RBMS3: variants seen among roughly 807,000 people sequenced by gnomAD.
RBMS3 encodes the protein RNA binding motif single stranded interacting protein 3, also known as RNA-binding motif, single-stranded-interacting protein 3.
A neutral mutation model predicts 66.8 loss-of-function variants in RBMS3; 27 were observed. That is an observed-to-expected ratio of 0.40 (90% CI 0.30 to 0.56). The LOEUF is 0.56. Among genes scored for constraint, RBMS3 ranks in the 20% least tolerant of loss-of-function variants. The pLI, the probability that RBMS3 is intolerant of heterozygous loss-of-function variation, is 0.40. For missense variants in RBMS3, 513 were observed against 549.5 expected, an observed-to-expected ratio of 0.93 and a Z score of 0.66; for synonymous variants, 188 against 183.0, an observed-to-expected ratio of 1.03 and a Z score of -0.22.
At chr3:29,720,537 T>C (rs762702826) in intron 4 of RBMS3, among the ~76,000 whole-genome samples, 29 of 152,288 alleles carry the variant, frequency 1.9e-4, no homozygotes, top group Non-Finnish European at 3.2e-4. Flanking sequence ...TGTGTTTATA[T>C]ATATAAACAT....
intron 2 of RBMS3, among the ~76,000 whole-genome samples, chr3:29,450,095 G>A (rs1036969819): frequency 6.6e-6 from 1 of 152,184 alleles, no homozygotes; most frequent in Admixed American, 6.5e-5. Context: ...ACTACAGCGG[G>A]CCTAATGTCT....
chr3:29,389,713 C>T (rs2039191604), intron 1 of RBMS3, among the ~76,000 whole-genome samples: 1 of 152,122 alleles, frequency 6.6e-6, no homozygotes, highest in South Asian at 2.1e-4. Context: ...GGAAGTGGGC[C>T]CCAAATAAAA....
intron 4 of RBMS3, chr3:29,616,128 G>A (rs1559511199): frequency 6.6e-6 from 1 of 152,204 alleles, no homozygotes; most frequent in Non-Finnish European, 1.5e-5. Context: ...CTTTCCTCTA[G>A]TTTTCTGTTT....
At chr3:29,671,724 G>A (rs2051009001) in intron 4 of RBMS3, among the ~76,000 whole-genome samples, 1 of 152,140 alleles carries the variant, frequency 6.6e-6, no homozygotes, top group Non-Finnish European at 1.5e-5. Context: ...GAGAAGAGAA[G>A]TTTAGAGAAA....
chr3:29,656,314 C>T (rs2050325822), intron 4 of RBMS3, among the ~76,000 whole-genome samples: 1 of 152,112 alleles, frequency 6.6e-6, no homozygotes, highest in South Asian at 2.1e-4. Flanking sequence ...TTTCACTGTA[C>T]CCTTTTAATG....
At chr3:29,291,778 C>T (rs938628609) in intron 1 of RBMS3, among the ~76,000 whole-genome samples, 7 of 151,714 alleles carry the variant, frequency 4.6e-5, no homozygotes, top group African/African-American at 1.7e-4. Context: ...AGAGAATCTA[C>T]GTGCCTTTTA....
At chr3:29,849,811 A>T (rs1166827056) in intron 6 of RBMS3, among the ~76,000 whole-genome samples, 1 of 152,206 alleles carries the variant, frequency 6.6e-6, no homozygotes, top group African/African-American at 2.4e-5. Context: ...ATGAGAATGC[A>T]TCTCACCTAT....
chr3:29,575,921 T>A (rs1559481523), intron 3 of RBMS3, among the ~76,000 whole-genome samples: 1 of 152,168 alleles, frequency 6.6e-6, no homozygotes, highest in Non-Finnish European at 1.5e-5. Flanking sequence ...TTATCTTTAA[T>A]TTTTTAAAAT....
At chr3:29,681,812 C>G (rs1337233262) in intron 4 of RBMS3, among the ~76,000 whole-genome samples, 6 of 152,104 alleles carry the variant, frequency 3.9e-5, no homozygotes, top group Admixed American at 3.9e-4. Context: ...CTGCAATGAA[C>G]ACATGCATGC....
At chr3:29,586,027 G>A (rs2047508499) in intron 3 of RBMS3, among the ~76,000 whole-genome samples, 1 of 152,198 alleles carries the variant, frequency 6.6e-6, no homozygotes, top group South Asian at 2.1e-4. Context: ...GAGAGGAGGT[G>A]TCACAGTACA....
intron 6 of RBMS3, among the ~76,000 whole-genome samples, chr3:29,842,461 G>A (rs1302918158): frequency 1.3e-5 from 2 of 152,148 alleles, no homozygotes; most frequent in South Asian, 2.1e-4. Flanking sequence ...TATATGAAAC[G>A]ATTTAATGGC....
chr3:29,748,233 T>G (rs997696150), intron 5 of RBMS3, among the ~76,000 whole-genome samples: 2 of 151,970 alleles, frequency 1.3e-5, no homozygotes, highest in South Asian at 2.1e-4. Flanking sequence ...AAACCTAAGG[T>G]GGGGCCAAGT....
intron 4 of RBMS3, among the ~76,000 whole-genome samples, chr3:29,669,158 A>T (rs1025289782): frequency 2.6e-4 from 40 of 152,212 alleles, no homozygotes; most frequent in Non-Finnish European, 2.9e-5. Flanking sequence ...TGTGGTGTGG[A>T]GTGTGCTCCC....
chr3:29,850,173 A>G (rs1465874525), intron 6 of RBMS3, among the ~76,000 whole-genome samples: 2 of 152,122 alleles, frequency 1.3e-5, no homozygotes, highest in African/African-American at 2.4e-5. Flanking sequence ...CCTGGGGAGG[A>G]GGGGATACGC....
At chr3:29,971,007 T>C (rs1697194075) in intron 12 of RBMS3, among the ~76,000 whole-genome samples, 2 of 152,184 alleles carry the variant, frequency 1.3e-5, no homozygotes, top group Non-Finnish European at 2.9e-5. Context: ...TCTCTTCCCA[T>C]CTTTCTTAGA....
At chr3:29,356,241 C>G (rs1026581726) in intron 1 of RBMS3, among the ~76,000 whole-genome samples, 1 of 152,164 alleles carries the variant, frequency 6.6e-6, no homozygotes, top group African/African-American at 2.4e-5. Flanking sequence ...AACAGTTTCT[C>G]TCACCTCTGT....
intron 14 of RBMS3, among the ~76,000 whole-genome samples, chr3:30,002,814 A>G (rs2125405237): frequency 6.6e-6 from 1 of 152,088 alleles, no homozygotes; most frequent in African/African-American, 2.4e-5. Flanking sequence ...GCTAAACAAT[A>G]CACAGTTTAA....
Position 29,899,771 on chromosome 3 carries a change from C to A in RBMS3, c.939+16C>A. 3 of 1,606,228 alleles carry A rather than the reference C, an allele frequency of 1.9e-6. No individual in the cohort carries two copies. The highest frequency in any genetic ancestry group is 2.2e-5 in the South Asian group (2 of 90,624). ...GCAACCAACAGTAAGTGTTCTCAGT[C>A]ACCTGAGGCTAATATTTCTATTATC... On this transcript the variant is annotated intron_variant, in intron 10 of 14. Transcript: ENST00000383767.
rs201003404 is a variant in RBMS3 at position 29,606,673 on chromosome 3, G to GA, written c.399+19468_399+19469insA. Among the ~76,000 whole-genome samples the GA allele has an allele frequency of 5.0e-3, 761 of 151,510 alleles. 13 individuals are homozygous for GA. The highest frequency in any genetic ancestry group is 0.017 in the African/African-American group (706 of 41,380). On this transcript the variant is annotated intron_variant, in intron 4 of 14. Transcript: ENST00000383767. ...TCACAACCAGACATAAGTGGACATG[G>GA]GAAAAAAAACAGCAACCAGATTAAA...
Sources: gnomAD v4.1 joint callset for allele counts (sites outside exome capture counted in the v4.1 genomes callset) on GRCh38, gnomAD v4.1.1 for gene constraint, MANE v1.5 for transcripts, NCBI Gene and HGNC (gene_info 2026-07-23, HGNC 2026-07-21) for gene names.